Variants in TAC1 observed in about 807,000 individuals in gnomAD.
TAC1 encodes tachykinin precursor 1, also known as protachykinin-1.
A neutral mutation model predicts 21.7 loss-of-function variants in TAC1; 12 were observed. The observed-to-expected ratio is 0.55, with a 90% CI of 0.35 to 0.89. The LOEUF is 0.89. Among genes scored for constraint, TAC1 ranks in the 40% least tolerant of loss-of-function variants. The probability of loss-of-function intolerance (pLI) is 0.01; values close to 1 mark genes in which losing one functional copy is unlikely to be tolerated. For synonymous variants in TAC1, 52 were observed against 52.0 expected (o/e 1.00, Z 0.00); for missense variants, 128 against 151.4 (o/e 0.85, Z 0.81).
chr7:97,737,660 C>T (rs1206635720), intron 6 of TAC1, among the ~76,000 whole-genome samples: 1 of 151,924 alleles, frequency 6.6e-6, no homozygotes, highest in East Asian at 1.9e-4. Context: ...TCCTAGTGTT[C>T]TTATTGGGTC....
Position 97,733,750 on chromosome 7 carries a change from C to A in TAC1, c.151C>A (p.Leu51Ile). The A allele has an allele frequency of 1.2e-6, 2 of 1,614,150 alleles. No individual in the cohort carries two copies. The highest frequency in any genetic ancestry group is 1.7e-6 in the Non-Finnish European group (2 of 1,180,024). Residue 51 changes from leucine to isoleucine, a missense_variant, in exon 3 of 7, where the codon CTT (leucine) becomes ATT (isoleucine). Transcript: ENST00000319273. Reference protein sequence around the residue: ...KEELPEPFEHLLQRIARRPKP... With the variant: ...KEELPEPFEHILQRIARRPKP... ...GGAACTGCCGGAGCCCTTTGAGCAT[C>A]TTCTGCAGAGAATCGCCCGGAGACC...
In TAC1 at chr7:97,732,778, C is replaced by T. The variant is rs545784830; in HGVS notation, c.123+43C>T. The T allele has an allele frequency of 1.9e-6, 3 of 1,592,394 alleles. No homozygotes were observed. Among genetic ancestry groups the T allele is most frequent in the African/African-American group, 1.3e-5 (1 of 74,496 alleles). Reference sequence around the variant, plus strand: ...GACGGCCCGCACCCTTCTTCCTGGGCTCGGGAGCTGTCACCTTCCCACGCA... The same window carrying T: ...GACGGCCCGCACCCTTCTTCCTGGGTTCGGGAGCTGTCACCTTCCCACGCA... On this transcript the variant is annotated intron_variant, in intron 2 of 6. Coordinates refer to ENST00000319273, the MANE Select transcript of TAC1 (RefSeq NM_003182.3). This position sits in a 1 kb window ranked among gnomAD's most constrained non-coding sequence, Gnocchi z 6.2.
rs569523099 is a variant in TAC1 at position 97,732,586 on chromosome 7, C to G, written c.-9-18C>G. Reference sequence around the variant, plus strand: ...ATTATTTCTCTCTTTGGTGTCTTCTCCTCCTACCCCTTCCCAGAAATCCAA... The same window carrying G: ...ATTATTTCTCTCTTTGGTGTCTTCTGCTCCTACCCCTTCCCAGAAATCCAA... On this transcript the variant is annotated intron_variant, in intron 1 of 6. Coordinates refer to ENST00000319273, the MANE Select transcript of TAC1 (RefSeq NM_003182.3). The surrounding 1 kb of genome is among the most constrained non-coding windows in gnomAD (Gnocchi z 6.2). 1.2e-6 allele frequency: 2 copies of G among 1,613,980 alleles called. No individual in the cohort carries two copies. The highest frequency in any genetic ancestry group is 1.7e-5 in the Admixed American group (1 of 60,010).
At chr7:97,734,982 G>A (rs1789548730) in intron 5 of TAC1, 133 bp downstream of exon 5, 1 of 643,258 alleles carries the variant, frequency 1.6e-6, no homozygotes, top group African/African-American at 1.8e-5. Context: ...ATATAAGAAT[G>A]GGGGAGATTC....
At chr7:97,737,499 GA>G (rs1017539863) in intron 6 of TAC1, among the ~76,000 whole-genome samples, 16 of 150,164 alleles carry the variant, frequency 1.1e-4, no homozygotes, top group Non-Finnish European at 1.8e-4. Flanking sequence ...ACGCGCAATA[GA>G]AAAAAAAAGT....
intron 6 of TAC1, among the ~76,000 whole-genome samples, chr7:97,737,655 G>A (rs1789607558): frequency 6.6e-6 from 1 of 151,930 alleles, no homozygotes; most frequent in East Asian, 1.9e-4. Flanking sequence ...GGACTTCCTA[G>A]TGTTCTTATT....
rs1320010357 is a variant in TAC1 at position 97,732,742 on chromosome 7, C to T, written c.123+7C>T. 1.2e-6 allele frequency: 2 copies of T among 1,612,900 alleles called. No homozygotes were observed. Among genetic ancestry groups the T allele is most frequent in the Non-Finnish European group, 1.7e-6 (2 of 1,179,658 alleles). ...CGACAGCGACCAGATCAAGGTGAGG[C>T]CCCTTCCCAGGACGGCCCGCACCCT... On this transcript the variant is annotated splice_region_variant and intron_variant, in intron 2 of 6. Transcript: ENST00000319273. The surrounding 1 kb of genome is among the most constrained non-coding windows in gnomAD (Gnocchi z 6.2).
intron 6 of TAC1, 55 bp from the exon 7 acceptor site, chr7:97,739,819 G>T: frequency 7.4e-7 from 1 of 1,353,036 alleles, no homozygotes; most frequent in Non-Finnish European, 1.0e-6. Flanking sequence ...CTTTAGTTGT[G>T]TAACTCCCTC....
chr7:97,733,645 C>A (rs541216858), intron 2 of TAC1, 78 bp from the exon 3 acceptor site: 9 of 1,434,976 alleles, frequency 6.3e-6, no homozygotes, highest in South Asian at 2.3e-5. Flanking sequence ...CGGAGTACAG[C>A]GGGGGGAAGG....
rs1789465187 is a variant in TAC1, at chr7:97,732,819, A to G, written c.123+84A>G. ...TTCCCACGCAACAGCACCCTAGTTA[A>G]CGTGGCACGCACCGCCACCACGGAA... On this transcript the variant is annotated intron_variant, in intron 2 of 6. Coordinates refer to ENST00000319273, the MANE Select transcript of TAC1 (RefSeq NM_003182.3). This position sits in a 1 kb window ranked among gnomAD's most constrained non-coding sequence, Gnocchi z 6.2. 6.7e-7 allele frequency: 1 copy of G among 1,502,698 alleles called. No homozygotes were observed. Among genetic ancestry groups the G allele is most frequent in the African/African-American group, 1.4e-5 (1 of 72,154 alleles). The allele number at this position is 1,502,698 out of a possible 1,614,324, so 93.1% of individuals were successfully genotyped here.
chr7:97,734,633 ATTTG>A (rs1031996524), intron 4 of TAC1, among the ~76,000 whole-genome samples, 189 bp from the exon 5 acceptor site: 36 of 152,044 alleles, frequency 2.4e-4, no homozygotes, highest in African/African-American at 8.0e-4. Flanking sequence ...TAAAAATTCC[ATTTG>A]TTTGTTTAAA....
Position 97,734,298 on chromosome 7 carries a change from C to G in TAC1, c.265+6C>G. 4 of 1,610,676 alleles carry G rather than the reference C, an allele frequency of 2.5e-6. No individual in the cohort carries two copies. Among genetic ancestry groups the G allele is most frequent in the Non-Finnish European group, 3.4e-6 (4 of 1,177,210 alleles). ...CCTGTTAAAGGCTCTTTATGGTAAA[C>G]ATTCCTATAAATCTTTATTTTACTA... On this transcript the variant is annotated splice_donor_region_variant and intron_variant, in intron 4 of 6. Coordinates refer to ENST00000319273, the MANE Select transcript of TAC1 (RefSeq NM_003182.3).
chr7:97,732,976 G>A lies in TAC1; in HGVS notation c.123+241G>A, dbSNP rs1225226572. ...CGGCCCAGGAACTCCCTGCAGTAGG[G>A]ATGCCCTCCCGGATGAGCCCGAGAT... On this transcript the variant is annotated intron_variant, in intron 2 of 6. Coordinates refer to ENST00000319273, the MANE Select transcript of TAC1 (RefSeq NM_003182.3). The surrounding 1 kb of genome is among the most constrained non-coding windows in gnomAD (Gnocchi z 6.2). 1 of 431,198 alleles carries A rather than the reference G, an allele frequency of 2.3e-6. No individual in the cohort carries two copies. Among genetic ancestry groups the A allele is most frequent in the Admixed American group, 3.6e-5 (1 of 27,690 alleles). 26.7% of individuals were successfully genotyped at this position (431,198 alleles called of 1,614,324 possible).
intron 5 of TAC1, 43 bp downstream of exon 5, chr7:97,734,892 A>C: frequency 6.9e-7 from 1 of 1,441,872 alleles, no homozygotes; most frequent in Non-Finnish European, 9.7e-7. Context: ...TTTAAATGTA[A>C]AATTATATTG....
Position 97,740,110 on chromosome 7 carries a change from G to C in TAC1, c.*190G>C, listed in dbSNP as rs1409515505. The C allele has an allele frequency of 2.4e-6, 1 of 413,024 alleles. No individual in the cohort carries two copies. The highest frequency in any genetic ancestry group is 3.7e-5 in the East Asian group (1 of 26,744). 25.6% of individuals were successfully genotyped at this position (413,024 alleles called of 1,614,324 possible). A position where few individuals can be genotyped will look rare whatever the true frequency, so the allele number is the denominator to read the frequency against. ...ACATGTGTTTTAATTCCAATATGAT[G>C]ACTCCCTTAAAATAGAAATAAGTGG... is the stretch of plus-strand genomic sequence containing the variant. On this transcript the variant is annotated 3_prime_UTR_variant, in exon 7 of 7. Transcript: ENST00000319273.
chr7:97,732,989 A>C lies in TAC1; in HGVS notation c.123+254A>C, dbSNP rs1562783757. 5.1e-6 allele frequency: 2 copies of C among 393,446 alleles called. No individual in the cohort carries two copies. Among genetic ancestry groups the C allele is most frequent in the South Asian group, 5.0e-5 (1 of 19,942 alleles). The allele number at this position is 393,446 out of a possible 1,614,324, so 24.4% of individuals were successfully genotyped here. A position where few individuals can be genotyped will look rare whatever the true frequency, so the allele number is the denominator to read the frequency against. ...CCCTGCAGTAGGGATGCCCTCCCGG[A>C]TGAGCCCGAGATCCTCACAAGGCGG... On this transcript the variant is annotated intron_variant, in intron 2 of 6. Coordinates refer to ENST00000319273, the MANE Select transcript of TAC1 (RefSeq NM_003182.3). The surrounding 1 kb of genome is among the most constrained non-coding windows in gnomAD (Gnocchi z 6.2).
intron 2 of TAC1, among the ~76,000 whole-genome samples, 197 bp from the exon 3 acceptor site, chr7:97,733,526 C>A (rs1326270987): frequency 6.6e-6 from 1 of 152,008 alleles, no homozygotes; most frequent in African/African-American, 2.4e-5. Context: ...GGCAGGCTTG[C>A]GGGGGGCGGG....
chr7:97,732,392 G>C lies in TAC1; in HGVS notation c.-10+197G>C, dbSNP rs1482061501. ...GTGGGTTGGTGGGTTAGGGGGCTGG[G>C]GGAGTTGGGATTCAGGGAGAAGAGG... is the stretch of plus-strand genomic sequence containing the variant. On this transcript the variant is annotated intron_variant, in intron 1 of 6. Transcript: ENST00000319273. The surrounding 1 kb of genome is among the most constrained non-coding windows in gnomAD (Gnocchi z 6.2). 6.6e-6 allele frequency among the ~76,000 whole-genome samples: 1 copy of C among 152,190 alleles called. No homozygotes were observed. Among genetic ancestry groups the C allele is most frequent in the East Asian group, 1.9e-4 (1 of 5,184 alleles).
At chr7:97,739,630 T>C (rs180769766) in intron 6 of TAC1, among the ~76,000 whole-genome samples, 238 of 152,160 alleles carry the variant, frequency 1.6e-3, no homozygotes, top group Middle Eastern at 3.4e-3. Flanking sequence ...GGAAATATGC[T>C]TTGGGGGCAC....
Sources: allele counts gnomAD v4.1 joint callset (sites outside exome capture counted in the v4.1 genomes callset), GRCh38; gene constraint gnomAD v4.1.1; non-coding constraint Gnocchi (gnomAD v3.1); transcripts MANE v1.5; gene names NCBI Gene and HGNC (gene_info 2026-07-23, HGNC 2026-07-21).